DPYD: variants seen among roughly 807,000 people sequenced by gnomAD.
DPYD encodes the protein dihydropyrimidine dehydrogenase [NADP(+)].
In DPYD, 109 loss-of-function variants were observed where a neutral mutation model predicts 116.2. That is an observed-to-expected ratio of 0.94 (90% CI 0.80 to 1.10). The LOEUF is 1.10. Among genes scored for constraint, DPYD ranks in the 50% least tolerant of loss-of-function variants. The pLI is 0.00. For missense variants in DPYD, 1,302 were observed against 1,254.5 expected (o/e 1.04, Z -0.57); for synonymous variants, 440 against 432.0 (o/e 1.02, Z -0.23).
At chr1:97,779,265 C>T (rs998174201) in intron 3 of DPYD, among the ~76,000 whole-genome samples, 2 of 151,082 alleles carry the variant, frequency 1.3e-5, no homozygotes, top group African/African-American at 4.9e-5. Context: ...AAGTTATATT[C>T]AAGTATTTGC....
At position 97,202,969 on chromosome 1, in the gene DPYD, A is replaced by G. The variant is rs143106010; in HGVS notation, c.2443-9721T>C. Reference sequence around the variant, plus strand: ...TTGATGGCTCTGCTTCCCAACGGGCATAAATACAAGACTCAAAAGACTGAG... The same window carrying G: ...TTGATGGCTCTGCTTCCCAACGGGCGTAAATACAAGACTCAAAAGACTGAG... On this transcript the variant is annotated intron_variant, in intron 19 of 22. Coordinates refer to ENST00000370192, the MANE Select transcript of DPYD (RefSeq NM_000110.4). Among the ~76,000 whole-genome samples, 281 of 152,276 alleles carry G rather than the reference A, an allele frequency of 1.8e-3. 3 individuals carry two copies. Among genetic ancestry groups the G allele is most frequent in the Admixed American group, 0.013 (194 of 15,266 alleles).
intron 8 of DPYD, among the ~76,000 whole-genome samples, chr1:97,658,845 A>T (rs375566457): frequency 6.6e-5 from 10 of 152,288 alleles, no homozygotes; most frequent in African/African-American, 2.2e-4. Flanking sequence ...TTCAGCCTAA[A>T]GACTAAAAAA....
At chr1:97,333,080 A>ATTT (rs1302808596) in intron 16 of DPYD, among the ~76,000 whole-genome samples, 11 of 139,120 alleles carry the variant, frequency 7.9e-5, no homozygotes, top group African/African-American at 3.2e-4. Context: ...TTTTTTTCAG[A>ATTT]CAGAGTCTTG....
chr1:97,327,848 C>G (rs1488108372), intron 16 of DPYD, among the ~76,000 whole-genome samples: 1 of 152,018 alleles, frequency 6.6e-6, no homozygotes, highest in Non-Finnish European at 1.5e-5. Context: ...ATAGGTGGTG[C>G]TCATACATTG....
At chr1:97,736,260 C>A (rs1663934844) in intron 4 of DPYD, among the ~76,000 whole-genome samples, 1 of 151,726 alleles carries the variant, frequency 6.6e-6, no homozygotes, top group Non-Finnish European at 1.5e-5. Context: ...TGATAAAAGG[C>A]CCCAAAATGG....
intron 11 of DPYD, among the ~76,000 whole-genome samples, chr1:97,553,934 A>G (rs1346559178): frequency 6.6e-6 from 1 of 152,142 alleles, no homozygotes; most frequent in Admixed American, 6.6e-5. Context: ...AATTCATACC[A>G]AACATTCAAG....
chr1:97,785,270 A>G (rs1431820986), intron 3 of DPYD, among the ~76,000 whole-genome samples: 1 of 152,194 alleles, frequency 6.6e-6, no homozygotes, highest in Non-Finnish European at 1.5e-5. Context: ...TATAACATAT[A>G]AAAGTACTTT....
chr1:97,451,022 T>C (rs1283057936), intron 13 of DPYD, among the ~76,000 whole-genome samples: 1 of 152,154 alleles, frequency 6.6e-6, no homozygotes, highest in Non-Finnish European at 1.5e-5. Flanking sequence ...AAATTAATTT[T>C]GAGGAAAGGT....
At chr1:97,292,839 T>A (rs911287923) in intron 18 of DPYD, among the ~76,000 whole-genome samples, 1 of 151,998 alleles carries the variant, frequency 6.6e-6, no homozygotes, top group African/African-American at 2.4e-5. Context: ...GGTAAAAAGA[T>A]ATTTCAACAA....
intron 11 of DPYD, among the ~76,000 whole-genome samples, chr1:97,573,459 G>A (rs1653045791): frequency 6.6e-6 from 1 of 151,946 alleles, no homozygotes. Flanking sequence ...TAGTCTAATT[G>A]AAGAAAAAGC....
intron 13 of DPYD, among the ~76,000 whole-genome samples, chr1:97,495,720 A>T (rs1434214825): frequency 6.6e-6 from 1 of 152,040 alleles, no homozygotes; most frequent in Admixed American, 6.6e-5. Flanking sequence ...ACATAGCAAT[A>T]CTCAAGTTAT....
chr1:97,252,241 A>G (rs1251226430), intron 18 of DPYD, among the ~76,000 whole-genome samples: 2 of 152,150 alleles, frequency 1.3e-5, no homozygotes, highest in Non-Finnish European at 2.9e-5. Context: ...ACTGGCATGG[A>G]TATGCAGGCA....
chr1:97,719,463 AAAC>A (rs2101021515), intron 5 of DPYD, among the ~76,000 whole-genome samples: 1 of 152,116 alleles, frequency 6.6e-6, no homozygotes, highest in Admixed American at 6.6e-5. Flanking sequence ...AAAGGTCAAA[AAAC>A]AATCATTGTT....
chr1:97,771,248 C>T (rs10783075), intron 3 of DPYD, among the ~76,000 whole-genome samples: 145,387 of 152,280 alleles, frequency 0.95, 69,759 homozygotes, highest in East Asian at 1. Flanking sequence ...GGTGACAGAA[C>T]GAGACTTTGT....
intron 1 of DPYD, among the ~76,000 whole-genome samples, chr1:97,902,689 T>A (rs910043028): frequency 2.6e-5 from 4 of 151,846 alleles, no homozygotes; most frequent in Admixed American, 2.6e-4. Flanking sequence ...TATGTTGCTA[T>A]ATAATAAGAG....
chr1:97,824,763 T>C (rs777968586), intron 3 of DPYD, among the ~76,000 whole-genome samples: 15 of 152,202 alleles, frequency 9.9e-5, no homozygotes, highest in Non-Finnish European at 1.3e-4. Context: ...TCCCAAAATA[T>C]GTTTTTTCTG....
intron 12 of DPYD, among the ~76,000 whole-genome samples, chr1:97,535,405 A>G (rs113314098): frequency 2.0e-5 from 3 of 152,164 alleles, no homozygotes; most frequent in Non-Finnish European, 4.4e-5. Context: ...TAACACTTCT[A>G]CTCTATTTGG....
intron 20 of DPYD, among the ~76,000 whole-genome samples, chr1:97,109,213 T>A (rs2101619971): frequency 6.6e-6 from 1 of 152,270 alleles, no homozygotes; most frequent in East Asian, 1.9e-4. Context: ...ACCAAAGTAT[T>A]ATTACATTGT....
At chr1:97,745,213 A>G (rs139356590) in intron 3 of DPYD, among the ~76,000 whole-genome samples, 1,648 of 152,208 alleles carry the variant, frequency 0.011, 33 homozygotes, top group African/African-American at 0.038. Flanking sequence ...AGCCTCTATT[A>G]TACTGAGCTG....
Sources: allele counts gnomAD v4.1 joint callset (sites outside exome capture counted in the v4.1 genomes callset), GRCh38; gene constraint gnomAD v4.1.1; transcripts MANE v1.5; gene names NCBI Gene and HGNC (gene_info 2026-07-23, HGNC 2026-07-21).